Variants in ARHGAP29 observed in about 807,000 individuals in gnomAD.
The protein encoded by ARHGAP29 is Rho GTPase activating protein 29, also known as rho GTPase-activating protein 29.
A neutral mutation model predicts 122.6 loss-of-function variants in ARHGAP29; 43 were observed. That is an observed-to-expected ratio of 0.35 (90% confidence interval 0.27 to 0.45). The LOEUF is 0.45. Ranked by LOEUF, ARHGAP29 falls within the 20% of genes least tolerant of loss-of-function variation. The probability of loss-of-function intolerance (pLI) is 1.00; values close to 1 mark genes in which losing one functional copy is unlikely to be tolerated. For synonymous variants in ARHGAP29, 506 were observed against 497.1 expected (o/e 1.02, Z -0.24); for missense variants, 1,303 against 1,477.2 (o/e 0.88, Z 1.93).
chr1:94,210,054 A>G (rs965472290), intron 3 of ARHGAP29, among the ~76,000 whole-genome samples: 2 of 152,226 alleles, frequency 1.3e-5, no homozygotes, highest in Non-Finnish European at 2.9e-5. Context: ...CAAAACTGAA[A>G]AAGATTTCTT....
At chr1:94,301,248 A>G in the ARHGAP29 span, among the ~76,000 whole-genome samples, 2 of 152,100 alleles carry the variant, frequency 1.3e-5, no homozygotes, top group Non-Finnish European at 2.9e-5. Context: ...GGGCCTTTTG[A>G]TCTAGTGAAT....
At chr1:94,255,674 T>C (rs964936842) in intron 1 of ARHGAP29, among the ~76,000 whole-genome samples, 1 of 152,222 alleles carries the variant, frequency 6.6e-6, no homozygotes, top group Admixed American at 6.5e-5. Flanking sequence ...ATCACATCCA[T>C]TGTAATACTG....
the ARHGAP29 span, among the ~76,000 whole-genome samples, chr1:94,308,841 CT>C: frequency 2.6e-5 from 4 of 152,202 alleles, no homozygotes; most frequent in African/African-American, 4.8e-5. Context: ...TGGACCACCC[CT>C]GATAGATGGG....
intron 12 of ARHGAP29, chr1:94,192,183 G>A (rs1650169218): frequency 6.6e-6 from 1 of 152,110 alleles, no homozygotes; most frequent in African/African-American, 2.4e-5. Context: ...TGGTTCAGAT[G>A]CAGTAAGCTA....
At chr1:94,221,325 T>A (rs1461855871) in intron 2 of ARHGAP29, among the ~76,000 whole-genome samples, 1 of 152,136 alleles carries the variant, frequency 6.6e-6, no homozygotes, top group African/African-American at 2.4e-5. Context: ...TACTCTTATA[T>A]AATCTTCCTT....
In ARHGAP29 at chr1:94,170,555, A is replaced by G. The variant is rs751680717; in HGVS notation, c.*3314T>C. On this transcript the variant is annotated 3_prime_UTR_variant, in exon 23 of 23. Transcript: ENST00000260526. ...AGATTGAATGTGGTCTATGGATTAG[A>G]TATCATGATGTCAATGTCAATCTCC... Among the ~76,000 whole-genome samples the G allele has an allele frequency of 6.6e-5, 10 of 152,218 alleles. No individual in the cohort carries two copies. Among genetic ancestry groups the G allele is most frequent in the African/African-American group, 2.4e-4 (10 of 41,446 alleles).
chr1:94,185,284 C>T, intron 17 of ARHGAP29, 58 bp downstream of exon 17: 1 of 1,492,462 alleles, frequency 6.7e-7, no homozygotes, highest in South Asian at 1.5e-5. Context: ...AAATTAAAAA[C>T]AAAAAAGTAT....
At chr1:94,220,158 A>G in intron 3 of ARHGAP29, 100 bp downstream of exon 3, 1 of 1,302,622 alleles carries the variant, frequency 7.7e-7, no homozygotes, top group South Asian at 1.3e-5. Flanking sequence ...CATCACACAA[A>G]TGCAATGAGA....
chr1:94,256,814 T>G (rs542459440), intron 1 of ARHGAP29, among the ~76,000 whole-genome samples: 6 of 151,910 alleles, frequency 3.9e-5, no homozygotes, highest in African/African-American at 1.2e-4. Context: ...CGCCTCAGCC[T>G]CTCAAAGTGC....
At chr1:94,244,244 C>T (rs1180349082) in intron 1 of ARHGAP29, among the ~76,000 whole-genome samples, 1 of 147,364 alleles carries the variant, frequency 6.8e-6, no homozygotes, top group Non-Finnish European at 1.5e-5. Context: ...AAAACACACA[C>T]AAAAAACAAA....
the ARHGAP29 span, among the ~76,000 whole-genome samples, chr1:94,299,749 G>C: frequency 3.9e-5 from 6 of 152,234 alleles, no homozygotes; most frequent in African/African-American, 1.2e-4. Flanking sequence ...GGATAAGGGA[G>C]CCAGAGGGAG....
At chr1:94,221,141 T>G (rs186970933) in intron 2 of ARHGAP29, among the ~76,000 whole-genome samples, 4 of 152,298 alleles carry the variant, frequency 2.6e-5, no homozygotes, top group Admixed American at 6.5e-5. Flanking sequence ...CAATTTATCA[T>G]TCAAACCAAA....
chr1:94,256,084 C>A (rs1654335192), intron 1 of ARHGAP29, among the ~76,000 whole-genome samples: 2 of 152,162 alleles, frequency 1.3e-5, no homozygotes, highest in Non-Finnish European at 2.9e-5. Flanking sequence ...AAACCTGTAT[C>A]TCAAGGAAGG....
intron 7 of ARHGAP29, among the ~76,000 whole-genome samples, chr1:94,204,745 C>T (rs1651087180): frequency 6.6e-6 from 1 of 152,198 alleles, no homozygotes; most frequent in Admixed American, 6.5e-5. Flanking sequence ...TTGCCTTCTA[C>T]TCATACATCT....
At chr1:94,278,392 G>A (rs1655255985), upstream of ARHGAP29, among the ~76,000 whole-genome samples, 1 of 152,042 alleles carries the variant, frequency 6.6e-6, no homozygotes, top group Non-Finnish European at 1.5e-5. Flanking sequence ...TCTGCATACT[G>A]ATAACATACC....
At chr1:94,218,362 G>A (rs1430044444) in intron 3 of ARHGAP29, among the ~76,000 whole-genome samples, 2 of 152,156 alleles carry the variant, frequency 1.3e-5, no homozygotes, top group African/African-American at 2.4e-5. Context: ...CAAGTATAAA[G>A]ATAGTAATAG....
chr1:94,300,892 G>A, the ARHGAP29 span, among the ~76,000 whole-genome samples: 1 of 152,220 alleles, frequency 6.6e-6, no homozygotes, highest in African/African-American at 2.4e-5. Context: ...CCAGGTTACT[G>A]AGCAGGGTTG....
Position 94,188,893 on chromosome 1 carries a change from T to C in ARHGAP29, c.1625A>G (p.Glu542Gly). 2 of 1,613,216 alleles carry C rather than the reference T, an allele frequency of 1.2e-6. No homozygotes were observed. Among genetic ancestry groups the C allele is most frequent in the Non-Finnish European group, 1.7e-6 (2 of 1,179,356 alleles). ...SWTFGMFSDSESTGGSSESRS... is the reference protein window; with the variant it reads ...SWTFGMFSDSGSTGGSSESRS... Reference sequence around the variant, plus strand: ...AGATTCGCTGCTCCCTCCAGTGCTCTCAGAATCACTAAACATCCCAAATGT... The same window carrying C: ...AGATTCGCTGCTCCCTCCAGTGCTCCCAGAATCACTAAACATCCCAAATGT... The change falls in exon 15 of 23, where the codon GAG (glutamate) becomes GGG (glycine). Residue 542 changes from glutamate (E) to glycine (G), a missense_variant. Transcript: ENST00000260526.
chr1:94,249,830 T>C (rs930099226), intron 1 of ARHGAP29, among the ~76,000 whole-genome samples: 3 of 152,226 alleles, frequency 2.0e-5, no homozygotes, highest in South Asian at 2.1e-4. Flanking sequence ...GTGGCACTTA[T>C]GGTTTTGGTG....
Sources: gnomAD v4.1 joint callset for allele counts (sites outside exome capture counted in the v4.1 genomes callset) on GRCh38, gnomAD v4.1.1 for gene constraint, MANE v1.5 for transcripts, NCBI Gene and HGNC (gene_info 2026-07-23, HGNC 2026-07-21) for gene names.